EYS: variants seen among roughly 807,000 people sequenced by gnomAD.
The protein encoded by EYS is protein eyes shut homolog.
In EYS, 250 loss-of-function variants were observed where a neutral mutation model predicts 282.1. The observed-to-expected ratio is 0.89, with a 90% CI of 0.80 to 0.98. The LOEUF (loss-of-function observed/expected upper bound fraction) is 0.98. Among genes scored for constraint, EYS ranks in the 50% least tolerant of loss-of-function variants. EYS has a pLI of 0.00. For synonymous variants in EYS, 1,355 were observed against 1,282.9 expected (o/e 1.06, Z -1.20); for missense variants, 4,016 against 3,709.0 (o/e 1.08, Z -2.15).
chr6:64,748,599 A>T (rs1772636298), intron 22 of EYS, among the ~76,000 whole-genome samples: 1 of 152,212 alleles, frequency 6.6e-6, no homozygotes, highest in South Asian at 2.1e-4. Flanking sequence ...CCCAGAAGGA[A>T]GGGTATCTGT....
intron 11 of EYS, among the ~76,000 whole-genome samples, chr6:65,324,674 A>G (rs1452947437): frequency 6.6e-6 from 1 of 152,238 alleles, no homozygotes; most frequent in East Asian, 1.9e-4. Flanking sequence ...AGAGGACATG[A>G]GACCATTTGA....
At chr6:63,914,716 CAA>C (rs35792083) in intron 35 of EYS, among the ~76,000 whole-genome samples, 3,853 of 138,022 alleles carry the variant, frequency 0.028, 61 homozygotes, top group Middle Eastern at 0.034. Context: ...TCAACCGTCT[CAA>C]AAAAAAAAAA....
Position 64,545,355 on chromosome 6 carries a change from T to C in EYS, c.5644+44868A>G, listed in dbSNP as rs867382891. Among the ~76,000 whole-genome samples, 39 of 152,306 alleles carry C rather than the reference T, an allele frequency of 2.6e-4. 2 individuals are homozygous for C. The highest frequency in any genetic ancestry group is 9.1e-4 in the African/African-American group (38 of 41,570). On this transcript the variant is annotated intron_variant, in intron 26 of 42. Coordinates refer to ENST00000503581, the MANE Select transcript of EYS (RefSeq NM_001142800.2). The stretch of plus-strand genomic sequence containing the variant: ...CTAAAAACTCTCAATAAATTAGGTA[T>C]TGATGGGACGTATCTCAAAATAATA...
chr6:65,270,532 T>A (rs996054327), intron 12 of EYS, among the ~76,000 whole-genome samples: 18 of 152,200 alleles, frequency 1.2e-4, no homozygotes, highest in Non-Finnish European at 1.9e-4. Context: ...TTTCTCATTT[T>A]TTTTGTGATA....
At chr6:64,503,220 T>A (rs912857721) in intron 26 of EYS, among the ~76,000 whole-genome samples, 1 of 152,168 alleles carries the variant, frequency 6.6e-6, no homozygotes, top group Non-Finnish European at 1.5e-5. Flanking sequence ...TATGGAAACA[T>A]TTGGCAGTTA....
intron 12 of EYS, among the ~76,000 whole-genome samples, chr6:65,236,467 C>T (rs554345044): frequency 1.3e-5 from 2 of 151,944 alleles, no homozygotes; most frequent in South Asian, 2.1e-4. Context: ...AAAAATTAGC[C>T]GGGCATGGTG....
At chr6:64,619,089 T>G (rs1238459163) in intron 23 of EYS, among the ~76,000 whole-genome samples, 1 of 151,874 alleles carries the variant, frequency 6.6e-6, no homozygotes, top group African/African-American at 2.4e-5. Flanking sequence ...CTTCAGGGAG[T>G]GGGATGTCCC....
intron 5 of EYS, among the ~76,000 whole-genome samples, chr6:65,447,336 A>ATATATATATAAATATATGTATATAGT (rs1430367751): frequency 1.8e-4 from 25 of 137,012 alleles, no homozygotes; most frequent in Non-Finnish European, 2.9e-4. Context: ...GTGTGTGTAT[A>ATATATATATAAATATATGTATATAGT]TATATATATA....
intron 33 of EYS, among the ~76,000 whole-genome samples, chr6:64,010,268 G>A (rs1361039962): frequency 6.6e-6 from 1 of 152,118 alleles, no homozygotes; most frequent in Non-Finnish European, 1.5e-5. Context: ...GGCGAGACTG[G>A]GGATGCGGTG....
At chr6:63,909,233 G>A (rs538005407) in intron 35 of EYS, among the ~76,000 whole-genome samples, 13 of 152,208 alleles carry the variant, frequency 8.5e-5, no homozygotes, top group Non-Finnish European at 1.9e-4. Flanking sequence ...GGAATAGCAA[G>A]TGAATGAAAC....
chr6:64,065,767 A>C (rs535481878), intron 33 of EYS, among the ~76,000 whole-genome samples: 19 of 152,318 alleles, frequency 1.2e-4, no homozygotes, highest in African/African-American at 4.3e-4. Context: ...TTTCAAATAA[A>C]ATTGATTTAC....
chr6:64,857,049 A>T (rs538207468), intron 19 of EYS, among the ~76,000 whole-genome samples: 12 of 152,202 alleles, frequency 7.9e-5, no homozygotes, highest in African/African-American at 2.9e-4. Flanking sequence ...TATTTTATTG[A>T]GTTGCCTTTG....
intron 26 of EYS, among the ~76,000 whole-genome samples, chr6:64,508,844 C>T (rs748345457): frequency 4.6e-5 from 7 of 151,746 alleles, no homozygotes; most frequent in East Asian, 1.9e-4. Flanking sequence ...AACTGATCTT[C>T]GAAGAAAGGG....
chr6:65,091,581 T>C (rs1774569526), intron 12 of EYS, among the ~76,000 whole-genome samples: 1 of 152,178 alleles, frequency 6.6e-6, no homozygotes, highest in Non-Finnish European at 1.5e-5. Flanking sequence ...ATAGTAATTA[T>C]GAAATCAATT....
intron 30 of EYS, among the ~76,000 whole-genome samples, chr6:64,254,424 T>C (rs927868385): frequency 5.9e-5 from 9 of 152,098 alleles, no homozygotes; most frequent in African/African-American, 2.4e-5. Context: ...AGCTGACCTA[T>C]CTTACTACAT....
intron 37 of EYS, among the ~76,000 whole-genome samples, chr6:63,801,716 C>T (rs1430380804): frequency 6.6e-6 from 1 of 152,152 alleles, no homozygotes; most frequent in East Asian, 1.9e-4. Flanking sequence ...AATCATAAGT[C>T]AAAGGGACAT....
intron 10 of EYS, among the ~76,000 whole-genome samples, chr6:65,338,396 A>G (rs1187102679): frequency 6.6e-6 from 1 of 151,112 alleles, no homozygotes; most frequent in Admixed American, 6.6e-5. Flanking sequence ...TTGTGTATAC[A>G]GAGAATCAAA....
chr6:65,108,065 A>C (rs1362632724), intron 12 of EYS, among the ~76,000 whole-genome samples: 2 of 152,102 alleles, frequency 1.3e-5, no homozygotes, highest in Non-Finnish European at 2.9e-5. Flanking sequence ...AGTATTTTGC[A>C]TTTACTAGAT....
At chr6:65,311,096 T>C (rs1342859239) in intron 11 of EYS, among the ~76,000 whole-genome samples, 1 of 152,086 alleles carries the variant, frequency 6.6e-6, no homozygotes, top group Non-Finnish European at 1.5e-5. Flanking sequence ...AGAAAATAAG[T>C]ATATCTATAA....
Sources: allele counts gnomAD v4.1 joint callset (sites outside exome capture counted in the v4.1 genomes callset), GRCh38; gene constraint gnomAD v4.1.1; transcripts MANE v1.5; gene names NCBI Gene and HGNC (gene_info 2026-07-23, HGNC 2026-07-21).